Variants in CRMP1 observed in about 807,000 individuals in gnomAD.
The protein encoded by CRMP1 is dihydropyrimidinase-related protein 1.
In CRMP1, 19 loss-of-function variants were observed where a neutral mutation model predicts 68.3. The ratio of observed to expected loss-of-function variants is 0.28; its 90% confidence interval spans 0.19 to 0.41. CRMP1 has a LOEUF of 0.41. Ranked by LOEUF, CRMP1 falls within the 10% of genes least tolerant of loss-of-function variation. The pLI, the probability that CRMP1 is intolerant of heterozygous loss-of-function variation, is 1.00. For synonymous variants in CRMP1, 439 were observed against 399.6 expected (o/e 1.10, Z -1.18); for missense variants, 791 against 967.4 (o/e 0.82, Z 2.42).
At position 5,883,244 on chromosome 4, in the gene CRMP1, C is replaced by CTTCCATCT. The variant is rs1553909280; in HGVS notation, c.381+9344_381+9345insAGATGGAA. ...GCAGCCTGCCTGCTTTCCTTCCTTCCTTCCTTCCTTCCTTCCTCCCTCCCT... is the reference window on the plus strand; with the variant it reads ...GCAGCCTGCCTGCTTTCCTTCCTTCCTTCCATCTTTCCTTCCTTCCTTCCTCCCTCCCT... On this transcript the variant is annotated intron_variant, in intron 1 of 13. Coordinates refer to ENST00000324989, the MANE Select transcript of CRMP1 (RefSeq NM_001014809.3). The surrounding 1 kb of genome is among the most constrained non-coding windows in gnomAD (Gnocchi z 4.5). Among the ~76,000 whole-genome samples, 64,599 of 147,742 alleles carry CTTCCATCT rather than the reference C, an allele frequency of 0.44. 13,831 individuals carry two copies. Among genetic ancestry groups the CTTCCATCT allele is most frequent in the South Asian group, 0.53 (2,456 of 4,652 alleles).
chr4:5,851,318 C>T, intron 5 of CRMP1, 90 bp downstream of exon 5: 1 of 1,178,474 alleles, frequency 8.5e-7, no homozygotes, highest in Non-Finnish European at 1.3e-6. Context: ...CGGCTTCTCA[C>T]AATCTCCCTT....
Position 5,860,846 on chromosome 4 carries a change from C to T in CRMP1, c.655+180G>A, listed in dbSNP as rs1452999162. Among the ~76,000 whole-genome samples the T allele has an allele frequency of 1.3e-5, 2 of 151,978 alleles. No homozygotes were observed. Among genetic ancestry groups the T allele is most frequent in the Admixed American group, 6.6e-5 (1 of 15,258 alleles). The stretch of plus-strand genomic sequence containing the variant: ...TGTTTATTAAGCCATCTTCTGTGGC[C>T]CCAGTGGCACACACGGTATGCTCTG... On this transcript the variant is annotated intron_variant, in intron 3 of 13. Coordinates refer to ENST00000324989, the MANE Select transcript of CRMP1 (RefSeq NM_001014809.3). The surrounding 1 kb of genome is among the most constrained non-coding windows in gnomAD (Gnocchi z 4.2).
chr4:5,821,620 G>A lies in CRMP1; in HGVS notation c.*140C>T, dbSNP rs1466438145. 2 of 808,234 alleles carry A rather than the reference G, an allele frequency of 2.5e-6. No homozygotes were observed. Among genetic ancestry groups the A allele is most frequent in the Non-Finnish European group, 3.9e-6 (2 of 514,210 alleles). The allele number at this position is 808,234 out of a possible 1,614,324, so 50.1% of individuals were successfully genotyped here. On this transcript the variant is annotated 3_prime_UTR_variant, in exon 14 of 14. Transcript: ENST00000324989. The surrounding 1 kb of genome is among the most constrained non-coding windows in gnomAD (Gnocchi z 4.4). ...CACTAGTACCACTTCTTCCTAAACA[G>A]AAAAGGGAAAGAGCATCCTTCGACT...
intron 11 of CRMP1, 122 bp from the exon 12 acceptor site, chr4:5,828,790 A>AAAAT: frequency 8.3e-7 from 1 of 1,197,786 alleles, no homozygotes; most frequent in Non-Finnish European, 1.1e-6. Flanking sequence ...TTTCTCTCTA[A>AAAAT]AAATACCTTT....
In CRMP1 at chr4:5,843,088, C is replaced by T; in HGVS notation, c.1032+5G>A. ...AGAGTCATGCCCAAGTTGAGGAGTC[C>T]TTACCTCTTCAGGTCTGCTCAGGGC... On this transcript the variant is annotated splice_donor_5th_base_variant and intron_variant, in intron 7 of 13. Coordinates refer to ENST00000324989, the MANE Select transcript of CRMP1 (RefSeq NM_001014809.3). The surrounding 1 kb of genome is among the most constrained non-coding windows in gnomAD (Gnocchi z 4.1). 1 of 1,613,904 alleles carries T rather than the reference C, an allele frequency of 6.2e-7. No homozygotes were observed. Among genetic ancestry groups the T allele is most frequent in the Non-Finnish European group, 8.5e-7 (1 of 1,179,906 alleles).
chr4:5,848,025 C>G (rs1011978478), intron 6 of CRMP1, among the ~76,000 whole-genome samples: 5 of 152,118 alleles, frequency 3.3e-5, no homozygotes, highest in African/African-American at 1.2e-4. Context: ...CCACCCAATC[C>G]GTCCATGGGT....
In CRMP1 at chr4:5,877,378, A is replaced by G. The variant is rs766344854; in HGVS notation, c.382-10622T>C. 6.6e-6 allele frequency among the ~76,000 whole-genome samples: 1 copy of G among 152,208 alleles called. No individual in the cohort carries two copies. The highest frequency in any genetic ancestry group is 1.5e-5 in the Non-Finnish European group (1 of 68,030). On this transcript the variant is annotated intron_variant, in intron 1 of 13. Transcript: ENST00000324989. This position sits in a 1 kb window ranked among gnomAD's most constrained non-coding sequence, Gnocchi z 4.3. Reference sequence around the variant, plus strand: ...GCATAAGAGGTTTTATAGCTCAAATACGTCAAACTTCCATGACTTGGTCCC... The same window carrying G: ...GCATAAGAGGTTTTATAGCTCAAATGCGTCAAACTTCCATGACTTGGTCCC...
rs1161577219 is a variant in CRMP1, at chr4:5,877,670, C to G, written c.382-10914G>C. On this transcript the variant is annotated intron_variant, in intron 1 of 13. Transcript: ENST00000324989. The surrounding 1 kb of genome is among the most constrained non-coding windows in gnomAD (Gnocchi z 4.3). ...CGTTCCCCCTCTCACGGGTAGGGGA[C>G]AGGGCGGCTTTCCCCCTTTCATGAA... Among the ~76,000 whole-genome samples, 7 of 152,190 alleles carry G rather than the reference C, an allele frequency of 4.6e-5. No individual in the cohort carries two copies. The highest frequency in any genetic ancestry group is 1.0e-4 in the Non-Finnish European group (7 of 68,036).
At chr4:5,835,695 AAG>A (rs1307114486) in intron 11 of CRMP1, among the ~76,000 whole-genome samples, 2 of 152,172 alleles carry the variant, frequency 1.3e-5, no homozygotes, top group Admixed American at 6.5e-5. Flanking sequence ...AGAGGAGAGG[AAG>A]AGAGAGAGAG....
At chr4:5,835,246 C>T (rs997012279) in intron 11 of CRMP1, among the ~76,000 whole-genome samples, 6 of 152,154 alleles carry the variant, frequency 3.9e-5, no homozygotes, top group Admixed American at 2.0e-4. Flanking sequence ...TGGGTCTGTG[C>T]GTGTAGTTGT....
chr4:5,836,307 A>G (rs1720719152), intron 10 of CRMP1, among the ~76,000 whole-genome samples: 1 of 152,196 alleles, frequency 6.6e-6, no homozygotes, highest in African/African-American at 2.4e-5. Context: ...AAGAGCCACT[A>G]TGACATCTTG....
Position 5,825,040 on chromosome 4 carries a change from T to G in CRMP1, c.1969+454A>C, listed in dbSNP as rs1407673930. 1.0e-6 allele frequency: 1 copy of G among 985,156 alleles called. No individual in the cohort carries two copies. The highest frequency in any genetic ancestry group is 1.2e-6 in the Non-Finnish European group (1 of 829,850). The allele number at this position is 985,156 out of a possible 1,614,324, so 61.0% of individuals were successfully genotyped here. On this transcript the variant is annotated intron_variant, in intron 13 of 13. Transcript: ENST00000324989. The surrounding 1 kb of genome is among the most constrained non-coding windows in gnomAD (Gnocchi z 4.4). ...GGTATAATGTTACTTTATGGAGTAG[T>G]GAGGATAAAATAAAATCATGGGTTA... is the stretch of plus-strand genomic sequence containing the variant.
chr4:5,886,527 C>G (rs1715598624), intron 1 of CRMP1, among the ~76,000 whole-genome samples: 2 of 152,258 alleles, frequency 1.3e-5, no homozygotes, highest in South Asian at 4.1e-4. Context: ...CTGGTGACCA[C>G]TTCAGCTTAG....
At position 5,870,424 on chromosome 4, in the gene CRMP1, A is replaced by G. The variant is rs1181165080; in HGVS notation, c.382-3668T>C. 1.3e-5 allele frequency among the ~76,000 whole-genome samples: 2 copies of G among 152,238 alleles called. No homozygotes were observed. The highest frequency in any genetic ancestry group is 1.3e-4 in the Admixed American group (2 of 15,292). On this transcript the variant is annotated intron_variant, in intron 1 of 13. Transcript: ENST00000324989. The surrounding 1 kb of genome is among the most constrained non-coding windows in gnomAD (Gnocchi z 6.0). ...CAGGACACAACTCCCCAGGGGACGCATGACACAGGCGTTGGTGGGGACGGC... is the reference window on the plus strand; with the variant it reads ...CAGGACACAACTCCCCAGGGGACGCGTGACACAGGCGTTGGTGGGGACGGC...
chr4:5,827,571 C>T (rs1167459834), intron 12 of CRMP1, among the ~76,000 whole-genome samples: 1 of 152,158 alleles, frequency 6.6e-6, no homozygotes, highest in East Asian at 1.9e-4. Context: ...CACAGGTACA[C>T]ACATGGCCAC....
chr4:5,839,499 C>T (rs779695928), intron 9 of CRMP1, 23 bp downstream of exon 9: 3 of 1,590,930 alleles, frequency 1.9e-6, no homozygotes, highest in Non-Finnish European at 2.6e-6. Context: ...CCTCCCCCAG[C>T]CCCACGTTCT....
rs780790865 is a variant in CRMP1 at position 5,825,695 on chromosome 4, CTG to C, written c.1804-38_1804-37del. On this transcript the variant is annotated intron_variant, in intron 12 of 13. Transcript: ENST00000324989. The surrounding 1 kb of genome is among the most constrained non-coding windows in gnomAD (Gnocchi z 4.4). ...GAAGGGAGAGTGTGATTGATCGACACTGTGCATGTGTGCCCTTCTGGGCAGAT... is the reference window on the plus strand; with the variant it reads ...GAAGGGAGAGTGTGATTGATCGACACTGCATGTGTGCCCTTCTGGGCAGAT... 6 of 1,607,062 alleles carry C rather than the reference CTG, an allele frequency of 3.7e-6. No individual in the cohort carries two copies. The highest frequency in any genetic ancestry group is 5.1e-6 in the Non-Finnish European group (6 of 1,175,802).
At chr4:5,887,463 GGCCAGCTCCTGACCGCTGC>G in intron 1 of CRMP1, 5 of 985,492 alleles carry the variant, frequency 5.1e-6, no homozygotes, top group Non-Finnish European at 6.0e-6. Context: ...TGGGGCGGAG[GGCCAGCTCCTGACCGCTGC>G]GCCCTCAGCT....
rs1238349293 is a variant in CRMP1 at position 5,834,319 on chromosome 4, G to GA, written c.1623+1595dup. Among the ~76,000 whole-genome samples, 1 of 152,214 alleles carries GA rather than the reference G, an allele frequency of 6.6e-6. No homozygotes were observed. The highest frequency in any genetic ancestry group is 1.5e-5 in the Non-Finnish European group (1 of 68,042). Reference sequence around the variant, plus strand: ...GACCATTAAGAGCTGATTAGGTCATGAAGGCTCTGCCCTCATTAATGGTTA... The same window carrying GA: ...GACCATTAAGAGCTGATTAGGTCATGAAAGGCTCTGCCCTCATTAATGGTTA... On this transcript the variant is annotated intron_variant, in intron 11 of 13. Transcript: ENST00000324989. This position sits in a 1 kb window ranked among gnomAD's most constrained non-coding sequence, Gnocchi z 4.3.
Sources: allele counts gnomAD v4.1 joint callset (sites outside exome capture counted in the v4.1 genomes callset), GRCh38; gene constraint gnomAD v4.1.1; non-coding constraint Gnocchi (gnomAD v3.1); transcripts MANE v1.5; gene names NCBI Gene and HGNC (gene_info 2026-07-23, HGNC 2026-07-21).